IQCN: variants seen among roughly 807,000 people sequenced by gnomAD.
The protein encoded by IQCN is IQ domain-containing protein N.
IQCN carries 46 observed loss-of-function variants against 64.4 expected under a neutral mutation model. The observed-to-expected ratio is 0.71, with a 90% CI of 0.56 to 0.91. The LOEUF (loss-of-function observed/expected upper bound fraction) is 0.91, where lower values mean the gene tolerates loss of function less well. Ranked by LOEUF, IQCN falls within the 40% of genes least tolerant of loss-of-function variation. IQCN has a pLI of 0.00. For synonymous variants in IQCN, 733 were observed against 775.6 expected, an observed-to-expected ratio of 0.95 and a Z score of 0.91; for missense variants, 1,753 against 1,857.4, an observed-to-expected ratio of 0.94 and a Z score of 1.03.
chr19:18,260,322 C>T (rs1164999045), intron 3 of IQCN: 1 of 152,542 alleles, frequency 6.6e-6, no homozygotes, highest in Non-Finnish European at 1.5e-5. Flanking sequence ...GTCCATATTT[C>T]CAGCCACAGA....
chr19:18,266,432 G>T lies in IQCN; in HGVS notation c.1108C>A (p.Pro370Thr), dbSNP rs929226664. ...TTTPPKTSPV[P>T]KVTIIKTPAQ... Reference sequence around the variant, plus strand: ...GGGGTCTTGATTATTGTTACTTTGGGAACTGGGCTAGTCTTGGGTGGGGTG... The same window carrying T: ...GGGGTCTTGATTATTGTTACTTTGGTAACTGGGCTAGTCTTGGGTGGGGTG... Residue 370 changes from proline to threonine, a missense_variant, in exon 3 of 4, where the codon CCC (proline) becomes ACC (threonine). Pro to Thr is a conservative substitution (Grantham distance 38). Transcript: ENST00000392413. This position sits in a 1 kb window ranked among gnomAD's most constrained non-coding sequence, Gnocchi z 4.3. 6.3e-7 allele frequency: 1 copy of T among 1,585,544 alleles called. No homozygotes were observed. Among genetic ancestry groups the T allele is most frequent in the Non-Finnish European group, 8.6e-7 (1 of 1,166,404 alleles).
Position 18,264,686 on chromosome 19 carries a change from G to C in IQCN, c.2854C>G (p.Arg952Gly). Residue 952 changes from arginine (R) to glycine (G), a missense_variant, in exon 3 of 4, where the codon CGA (arginine) becomes GGA (glycine). Coordinates refer to ENST00000392413, the MANE Select transcript of IQCN (RefSeq NM_001145304.2). This position sits in a 1 kb window ranked among gnomAD's most constrained non-coding sequence, Gnocchi z 4.3. ...SWSELRLTLS[R>G]ALSRGELRAE... ...CGCAGCTCGCCCCGGGACAGGGCTCGGGACAGGGTCAGGCGCAGCTCACTC... is the reference window on the plus strand; with the variant it reads ...CGCAGCTCGCCCCGGGACAGGGCTCCGGACAGGGTCAGGCGCAGCTCACTC... The C allele has an allele frequency of 3.2e-6, 5 of 1,551,250 alleles. No homozygotes were observed. Among genetic ancestry groups the C allele is most frequent in the African/African-American group, 1.4e-5 (1 of 73,168 alleles).
intron 3 of IQCN, 200 bp from the exon 4 acceptor site, chr19:18,258,306 G>T (rs1969358573): frequency 2.8e-6 from 2 of 719,604 alleles, no homozygotes; most frequent in Non-Finnish European, 5.0e-6. Context: ...CATCTCCCCA[G>T]TGCGGATGAC....
In IQCN at chr19:18,265,259, GGTGCGCTGGGATGAGGCAC is replaced by G; in HGVS notation, c.2262_2280del (p.Cys755ArgfsTer15). The G allele has an allele frequency of 1.2e-6, 2 of 1,613,748 alleles. No homozygotes were observed. Among genetic ancestry groups the G allele is most frequent in the Non-Finnish European group, 1.7e-6 (2 of 1,179,934 alleles). ...GTGTTGCTGCTGAGATCAGCAGCCTGGTGCGCTGGGATGAGGCACGTGGTTATGTCTGTGATCGGCTGCC... is the reference window on the plus strand; with the variant it reads ...GTGTTGCTGCTGAGATCAGCAGCCTGGTGGTTATGTCTGTGATCGGCTGCC... On this transcript the variant is annotated frameshift_variant, in exon 3 of 4. Coordinates refer to ENST00000392413, the MANE Select transcript of IQCN (RefSeq NM_001145304.2). LOFTEE classifies it high-confidence loss of function. This position sits in a 1 kb window ranked among gnomAD's most constrained non-coding sequence, Gnocchi z 4.7.
chr19:18,261,792 GGATA>G (rs1389013158), intron 3 of IQCN: 2 of 156,918 alleles, frequency 1.3e-5, no homozygotes, highest in Admixed American at 1.3e-4. Flanking sequence ...GGCCACACAT[GGATA>G]GTCTGGGCTT....
At chr19:18,273,328 G>A (rs542903584) in intron 1 of IQCN, among the ~76,000 whole-genome samples, 26 of 150,856 alleles carry the variant, frequency 1.7e-4, no homozygotes, top group South Asian at 6.3e-4. Flanking sequence ...CACCATGCCC[G>A]GCCTAATTAT....
chr19:18,261,875 G>C (rs1482688237), intron 3 of IQCN: 1 of 153,602 alleles, frequency 6.5e-6, no homozygotes, highest in Non-Finnish European at 1.5e-5. Context: ...TAGATAGGTA[G>C]CCTGAGCTTG....
At chr19:18,270,900 A>G (rs1199548776) in intron 1 of IQCN, among the ~76,000 whole-genome samples, 1 of 149,394 alleles carries the variant, frequency 6.7e-6, no homozygotes, top group African/African-American at 2.4e-5. Flanking sequence ...GAGGCCAGGC[A>G]TGGTGGCTCA....
chr19:18,265,232 G>T lies in IQCN; in HGVS notation c.2308C>A (p.His770Asn), dbSNP rs763659684. The part of the protein sequence containing the change: ...HQAADLSSNT[H>N]SQVLLTGSKV... The stretch of plus-strand genomic sequence containing the variant: ...GACCCTGTTAGGAGCACCTGGGAGT[G>T]GGTGTTGCTGCTGAGATCAGCAGCC... The change falls in exon 3 of 4, where the codon CAC becomes AAC. Residue 770 changes from histidine to asparagine, a missense_variant. Physicochemically the swap from His to Asn is moderately conservative, Grantham distance 68 (BLOSUM62 1). Transcript: ENST00000392413. The surrounding 1 kb of genome is among the most constrained non-coding windows in gnomAD (Gnocchi z 4.7). 2.5e-6 allele frequency: 4 copies of T among 1,613,110 alleles called. No homozygotes were observed. Among genetic ancestry groups the T allele is most frequent in the Non-Finnish European group, 2.5e-6 (3 of 1,179,974 alleles).
chr19:18,260,184 GGAT>G (rs1392770037), intron 3 of IQCN: 1 of 152,570 alleles, frequency 6.6e-6, no homozygotes, highest in East Asian at 1.9e-4. Flanking sequence ...AACCCTGGGT[GGAT>G]GATGGAACCC....
At chr19:18,272,578 G>A (rs1451941709) in intron 1 of IQCN, among the ~76,000 whole-genome samples, 2 of 152,024 alleles carry the variant, frequency 1.3e-5, no homozygotes, top group South Asian at 2.1e-4. Flanking sequence ...TGCCTCACCA[G>A]CGCCCTCTAT....
At position 18,267,372 on chromosome 19, in the gene IQCN, G is replaced by T. The variant is rs767132887; in HGVS notation, c.168C>A (p.His56Gln). The change falls in exon 3 of 4, where the codon CAC (histidine) becomes CAA (glutamine). Residue 56 changes from histidine (H) to glutamine (Q), a missense_variant. Coordinates refer to ENST00000392413, the MANE Select transcript of IQCN (RefSeq NM_001145304.2). Reference protein sequence around the residue: ...KMEKAPPQPQHEGLKSKEHLP... With the variant: ...KMEKAPPQPQQEGLKSKEHLP... The stretch of plus-strand genomic sequence containing the variant: ...GATGCTCCTTGGACTTGAGGCCCTC[G>T]TGCTGGGGCTGTGGAGGCGCTTTCT... 1 of 1,611,306 alleles carries T rather than the reference G, an allele frequency of 6.2e-7. No individual in the cohort carries two copies. Among genetic ancestry groups the T allele is most frequent in the Non-Finnish European group, 8.5e-7 (1 of 1,178,354 alleles).
chr19:18,267,319 G>A lies in IQCN; in HGVS notation c.221C>T (p.Thr74Met), dbSNP rs377459079. Residue 74 changes from threonine (T) to methionine (M), a missense_variant, in exon 3 of 4, where the codon ACG becomes ATG. Coordinates refer to ENST00000392413, the MANE Select transcript of IQCN (RefSeq NM_001145304.2). ...GAGGCGTGGGACGCGGCGGGACGCC[G>A]TCTTGCCTTCGGCAGGCTGTTGCGG... ...HLPQQPAEGK[T>M]ASRRVPRLRA... is the part of the protein sequence containing the mutation. 14 of 1,614,194 alleles carry A rather than the reference G, an allele frequency of 8.7e-6. No individual in the cohort carries two copies. The highest frequency in any genetic ancestry group is 4.0e-5 in the African/African-American group (3 of 75,082).
At position 18,266,257 on chromosome 19, in the gene IQCN, C is replaced by A. The variant is rs201206942; in HGVS notation, c.1283G>T (p.Arg428Leu). Residue 428 changes from arginine to leucine, a missense_variant, in exon 3 of 4, where the codon CGA becomes CTA. Coordinates refer to ENST00000392413, the MANE Select transcript of IQCN (RefSeq NM_001145304.2). The surrounding 1 kb of genome is among the most constrained non-coding windows in gnomAD (Gnocchi z 4.3). ...TCPATITAKN[R>L]PQVSLLASIM... Reference sequence around the variant, plus strand: ...GGAAGCCAGAAGGGAAACCTGAGGTCGGTTCTTTGCCGTGATGGTCGCAGG... The same window carrying A: ...GGAAGCCAGAAGGGAAACCTGAGGTAGGTTCTTTGCCGTGATGGTCGCAGG... The A allele has an allele frequency of 1.2e-6, 2 of 1,613,654 alleles. No homozygotes were observed. The highest frequency in any genetic ancestry group is 1.7e-6 in the Non-Finnish European group (2 of 1,179,792).
Position 18,266,912 on chromosome 19 carries a change from G to A in IQCN, c.628C>T (p.Leu210Phe), listed in dbSNP as rs371073883. ...LVLCRPQSSP[L>F]LQPPAAQGTP... ...CCCTGAGCTGCTGGGGGCTGCAGGA[G>A]GGGGGACGACTGGGGTCTGCAGAGG... Residue 210 changes from leucine (L) to phenylalanine (F), a missense_variant, in exon 3 of 4, where the codon CTC becomes TTC. Transcript: ENST00000392413. The surrounding 1 kb of genome is among the most constrained non-coding windows in gnomAD (Gnocchi z 4.3). 1.2e-5 allele frequency: 19 copies of A among 1,606,890 alleles called. No individual in the cohort carries two copies. Among genetic ancestry groups the A allele is most frequent in the South Asian group, 1.0e-4 (9 of 90,438 alleles).
Position 18,266,193 on chromosome 19 carries a change from C to T in IQCN, c.1347G>A (p.Ala449=), listed in dbSNP as rs375392757. Residue 449 remains alanine, a synonymous_variant, in exon 3 of 4, where the codon GCG becomes GCA. Coordinates refer to ENST00000392413, the MANE Select transcript of IQCN (RefSeq NM_001145304.2). The surrounding 1 kb of genome is among the most constrained non-coding windows in gnomAD (Gnocchi z 4.3). ...KSLPQVCPGP[A]MAKTPPQMHP... ...GCATCTGGGGTGGGGTCTTTGCCAT[C>T]GCAGGCCCCGGGCATACCTGGGGCA... 1.1e-5 allele frequency: 17 copies of T among 1,613,672 alleles called. No individual in the cohort carries two copies. The Admixed American group carries it at 1.5e-4, about 14-fold the overall frequency.
chr19:18,269,948 G>A (rs959315471), intron 1 of IQCN, among the ~76,000 whole-genome samples: 1 of 150,520 alleles, frequency 6.6e-6, no homozygotes, highest in African/African-American at 2.5e-5. Flanking sequence ...TGAGCACAGT[G>A]GTTCTTGCCT....
chr19:18,262,360 C>T (rs11671617), intron 3 of IQCN: 5,665 of 153,070 alleles, frequency 0.037, 133 homozygotes, highest in Middle Eastern at 0.077. Flanking sequence ...ATTGGGTACT[C>T]CCCAACAGAC....
chr19:18,265,843 A>T lies in IQCN; in HGVS notation c.1697T>A (p.Val566Glu). The T allele has an allele frequency of 6.2e-7, 1 of 1,613,614 alleles. No homozygotes were observed. Among genetic ancestry groups the T allele is most frequent in the Non-Finnish European group, 8.5e-7 (1 of 1,179,828 alleles). ...ATVNVKQAAK[V>E]VKASSPSYLA... is the part of the protein sequence containing the mutation. ...ATAGGAGGGGGATGAGGCTTTCACC[A>T]CCTTTGCAGCCTGCTTCACATTCAC... The change falls in exon 3 of 4, where the codon GTG becomes GAG. Residue 566 changes from valine to glutamate, a missense_variant. By Grantham distance (121) the Val-to-Glu change is moderately radical (BLOSUM62 -2). Transcript: ENST00000392413. The surrounding 1 kb of genome is among the most constrained non-coding windows in gnomAD (Gnocchi z 4.7).
Sources: gnomAD v4.1 joint callset for allele counts (sites outside exome capture counted in the v4.1 genomes callset) on GRCh38, gnomAD v4.1.1 for gene constraint, Gnocchi (gnomAD v3.1) non-coding constraint, MANE v1.5 for transcripts, NCBI Gene and HGNC (gene_info 2026-07-23, HGNC 2026-07-21) for gene names.